The following SPIDR variants were observed in gnomAD, a reference collection of about 807,000 sequenced individuals.
SPIDR encodes DNA repair-scaffolding protein.
A neutral mutation model predicts 104.6 loss-of-function variants in SPIDR; 93 were observed. That is an observed-to-expected ratio of 0.89 (90% CI 0.75 to 1.06). The LOEUF (loss-of-function observed/expected upper bound fraction) is 1.06, where lower values mean the gene tolerates loss of function less well. SPIDR is among the 50% of genes least tolerant of loss of function. The probability of loss-of-function intolerance (pLI) is 0.00; values close to 1 mark genes in which losing one functional copy is unlikely to be tolerated. For synonymous variants in SPIDR, 431 were observed against 416.9 expected (o/e 1.03, Z -0.41); for missense variants, 1,154 against 1,111.2 (o/e 1.04, Z -0.55).
At chr8:47,530,626 G>C (rs1459883776) in intron 8 of SPIDR, among the ~76,000 whole-genome samples, 1 of 152,158 alleles carries the variant, frequency 6.6e-6, no homozygotes, top group Non-Finnish European at 1.5e-5. Flanking sequence ...CCATCAGTGA[G>C]TGAGTGGTGA....
chr8:47,681,739 G>A (rs2077120001), intron 11 of SPIDR, among the ~76,000 whole-genome samples: 1 of 152,086 alleles, frequency 6.6e-6, no homozygotes, highest in Non-Finnish European at 1.5e-5. Flanking sequence ...TATACAAGGA[G>A]TCTTTATCTT....
chr8:47,619,972 A>G (rs1225329571), intron 10 of SPIDR, among the ~76,000 whole-genome samples: 1 of 152,206 alleles, frequency 6.6e-6, no homozygotes, highest in Admixed American at 6.5e-5. Flanking sequence ...CTAAAGATTG[A>G]CCAGAGAATT....
At chr8:47,713,205 C>T in intron 15 of SPIDR, 1 of 616,756 alleles carries the variant, frequency 1.6e-6, no homozygotes, top group Non-Finnish European at 2.6e-6. Flanking sequence ...AGGGATCAAA[C>T]TAAAATCCTG....
At chr8:47,516,512 GT>G (rs1325952872) in intron 8 of SPIDR, among the ~76,000 whole-genome samples, 1 of 152,110 alleles carries the variant, frequency 6.6e-6, no homozygotes, top group Non-Finnish European at 1.5e-5. Context: ...TAACTCTTAA[GT>G]GGAATCATAC....
At chr8:47,343,673 A>G (rs1393253879) in intron 5 of SPIDR, among the ~76,000 whole-genome samples, 3 of 152,292 alleles carry the variant, frequency 2.0e-5, no homozygotes, top group Non-Finnish European at 4.4e-5. Context: ...TCTAGGGGCC[A>G]CAGAACTGAT....
intron 5 of SPIDR, among the ~76,000 whole-genome samples, chr8:47,317,391 AG>A (rs1233727673): frequency 1.3e-5 from 2 of 152,146 alleles, no homozygotes; most frequent in African/African-American, 2.4e-5. Flanking sequence ...GCAAGGCAGC[AG>A]CGAGGCTGGG....
chr8:47,672,621 A>G (rs576477458), intron 10 of SPIDR, among the ~76,000 whole-genome samples: 3 of 152,312 alleles, frequency 2.0e-5, no homozygotes, highest in East Asian at 1.9e-4. Flanking sequence ...AAGTCATTTT[A>G]TGTAGTTTCT....
chr8:47,413,708 G>T (rs1231691214), intron 7 of SPIDR, among the ~76,000 whole-genome samples: 1 of 152,168 alleles, frequency 6.6e-6, no homozygotes, highest in Non-Finnish European at 1.5e-5. Context: ...CCTCATTGTT[G>T]TATCACATTT....
At chr8:47,576,936 G>T (rs549359000) in intron 8 of SPIDR, among the ~76,000 whole-genome samples, 107 of 152,290 alleles carry the variant, frequency 7.0e-4, no homozygotes, top group Non-Finnish European at 1.1e-3. Flanking sequence ...TATTTGACCT[G>T]CCATACAACA....
intron 10 of SPIDR, among the ~76,000 whole-genome samples, chr8:47,621,489 T>G (rs1457157712): frequency 2.0e-5 from 3 of 152,232 alleles, no homozygotes; most frequent in African/African-American, 7.2e-5. Flanking sequence ...CTGTTCTCGC[T>G]TCTGTCTTAT....
intron 5 of SPIDR, among the ~76,000 whole-genome samples, chr8:47,358,760 T>G (rs887610854): frequency 6.6e-6 from 1 of 152,224 alleles, no homozygotes; most frequent in African/African-American, 2.4e-5. Context: ...TTTAAACATT[T>G]TATGTCCATT....
intron 11 of SPIDR, among the ~76,000 whole-genome samples, chr8:47,680,215 G>GA (rs952905675): frequency 6.6e-6 from 1 of 152,110 alleles, no homozygotes; most frequent in Non-Finnish European, 1.5e-5. Flanking sequence ...TTTTTCACAG[G>GA]AAAAAAAGTT....
intron 8 of SPIDR, among the ~76,000 whole-genome samples, chr8:47,497,638 T>TA (rs2079646735): frequency 6.6e-6 from 1 of 152,224 alleles, no homozygotes; most frequent in African/African-American, 2.4e-5. Context: ...TATGTGCACT[T>TA]AAAAGGAATA....
intron 8 of SPIDR, among the ~76,000 whole-genome samples, chr8:47,491,217 A>G (rs1297657175): frequency 1.3e-5 from 2 of 152,282 alleles, no homozygotes; most frequent in Non-Finnish European, 2.9e-5. Context: ...AGTTTTCACT[A>G]AATTTTACCT....
intron 8 of SPIDR, among the ~76,000 whole-genome samples, chr8:47,571,447 G>A (rs1416057806): frequency 4.6e-5 from 7 of 151,282 alleles, no homozygotes; most frequent in Admixed American, 2.6e-4. Flanking sequence ...AGGGGGAGGA[G>A]GAAATAAAAT....
intron 10 of SPIDR, chr8:47,659,815 A>G: frequency 2.6e-6 from 2 of 773,006 alleles, no homozygotes; most frequent in Non-Finnish European, 3.1e-6. Context: ...AGTGGAGGGC[A>G]GGTCTTTGTT....
intron 8 of SPIDR, among the ~76,000 whole-genome samples, chr8:47,591,555 G>A (rs554869511): frequency 2.0e-5 from 3 of 151,934 alleles, no homozygotes; most frequent in South Asian, 2.1e-4. Flanking sequence ...TTTTTTGAAG[G>A]GGGGAATCTA....
At chr8:47,265,888 G>A (rs1173391971) in intron 1 of SPIDR, among the ~76,000 whole-genome samples, 2 of 152,052 alleles carry the variant, frequency 1.3e-5, no homozygotes, top group African/African-American at 2.4e-5. Flanking sequence ...TTTATATGGT[G>A]GAAGAGGTAA....
intron 10 of SPIDR, among the ~76,000 whole-genome samples, chr8:47,656,137 C>T (rs891856386): frequency 2.0e-5 from 3 of 152,062 alleles, no homozygotes; most frequent in African/African-American, 4.8e-5. Flanking sequence ...TCTTCCTAAC[C>T]GTACATATTA....
Sources: gnomAD v4.1 joint callset for allele counts (sites outside exome capture counted in the v4.1 genomes callset) on GRCh38, gnomAD v4.1.1 for gene constraint, MANE v1.5 for transcripts, NCBI Gene and HGNC (gene_info 2026-07-23, HGNC 2026-07-21) for gene names.